Variants in GPR137C observed in about 807,000 individuals in gnomAD.
GPR137C encodes integral membrane protein GPR137C.
In GPR137C, 27 loss-of-function variants were observed where a neutral mutation model predicts 43.4. The ratio of observed to expected loss-of-function variants is 0.62; its 90% CI spans 0.46 to 0.86. The LOEUF (loss-of-function observed/expected upper bound fraction) is 0.86. Among genes scored for constraint, GPR137C ranks in the 40% least tolerant of loss-of-function variants. GPR137C has a pLI of 0.00. For synonymous variants in GPR137C, 285 were observed against 226.9 expected, an observed-to-expected ratio of 1.26 and a Z score of -2.30; for missense variants, 522 against 534.6, an observed-to-expected ratio of 0.98 and a Z score of 0.23.
intron 1 of GPR137C, among the ~76,000 whole-genome samples, chr14:52,563,124 A>G (rs1280926002): frequency 1.3e-5 from 2 of 152,146 alleles, no homozygotes; most frequent in South Asian, 2.1e-4. Context: ...CTCAGCAGCA[A>G]TTGACCCCCC....
At chr14:52,627,523 G>A (rs1338816348) in intron 3 of GPR137C, among the ~76,000 whole-genome samples, 5 of 152,030 alleles carry the variant, frequency 3.3e-5, no homozygotes, top group African/African-American at 4.8e-5. Flanking sequence ...TCCAAAATTT[G>A]CACGACAATG....
chr14:52,556,525 A>T (rs903039843), intron 1 of GPR137C, among the ~76,000 whole-genome samples: 1 of 151,886 alleles, frequency 6.6e-6, no homozygotes, highest in South Asian at 2.1e-4. Context: ...AGAGGGGGAA[A>T]AAAAAAAGAA....
At chr14:52,589,710 A>C (rs142119505) in intron 1 of GPR137C, among the ~76,000 whole-genome samples, 1 of 152,128 alleles carries the variant, frequency 6.6e-6, no homozygotes, top group Non-Finnish European at 1.5e-5. Flanking sequence ...TCAATAACTC[A>C]CCCCACATAC....
At position 52,552,994 on chromosome 14, in the gene GPR137C, C is replaced by T. The variant is rs1193055550; in HGVS notation, c.-154C>T. On this transcript the variant is annotated 5_prime_UTR_variant, in exon 1 of 7. Transcript: ENST00000321662. ...GCGGGGTCCGGGGGAGCCGCGGCTG[C>T]TTTGCGCTGGACTCCGGGTCCCGTC... Among the ~76,000 whole-genome samples the T allele has an allele frequency of 7.3e-6, 1 of 136,556 alleles. No individual in the cohort carries two copies. The highest frequency in any genetic ancestry group is 2.7e-5 in the African/African-American group (1 of 36,700). The allele number at this position is 136,556 out of a possible 152,430, so 89.6% of individuals were successfully genotyped here. A position where few individuals can be genotyped will look rare whatever the true frequency, so the allele number is the denominator to read the frequency against.
intron 4 of GPR137C, 82 bp from the exon 5 acceptor site, chr14:52,633,448 T>C (rs572011413): frequency 1.6e-6 from 2 of 1,212,664 alleles, no homozygotes; most frequent in African/African-American, 3.0e-5. Context: ...TTATCTTACC[T>C]GACTTGAAAC....
chr14:52,580,698 A>G (rs953513763), intron 1 of GPR137C, among the ~76,000 whole-genome samples: 2 of 151,280 alleles, frequency 1.3e-5, no homozygotes, highest in African/African-American at 4.8e-5. Flanking sequence ...GGGTATTAAG[A>G]CCCTAAGAGA....
chr14:52,572,728 T>C (rs1383405908), intron 1 of GPR137C, among the ~76,000 whole-genome samples: 1 of 152,176 alleles, frequency 6.6e-6, no homozygotes, highest in Non-Finnish European at 1.5e-5. Flanking sequence ...TTCAACATAG[T>C]ATTGGAAGTT....
At chr14:52,624,189 G>A (rs867483126) in intron 3 of GPR137C, among the ~76,000 whole-genome samples, 14 of 147,774 alleles carry the variant, frequency 9.5e-5, no homozygotes, top group Middle Eastern at 3.5e-3. Flanking sequence ...ATGTAGGTGT[G>A]AGCACAATTC....
At position 52,636,700 on chromosome 14, in the gene GPR137C, CA is replaced by C. The variant is rs1303394740; in HGVS notation, c.*1588del. 1 of 152,054 alleles carries C rather than the reference CA, an allele frequency of 6.6e-6. No individual in the cohort carries two copies. Among genetic ancestry groups the C allele is most frequent in the Admixed American group, 6.5e-5 (1 of 15,268 alleles). 9.4% of individuals were successfully genotyped at this position (152,054 alleles called of 1,614,324 possible). A position where few individuals can be genotyped will look rare whatever the true frequency, so the allele number is the denominator to read the frequency against. On this transcript the variant is annotated 3_prime_UTR_variant, in exon 7 of 7. Transcript: ENST00000321662. The stretch of plus-strand genomic sequence containing the variant: ...ATCTTTTGGGAGGCCAGTACACAGA[CA>C]AATAAATTTCTTCTTTTTATGATAC...
intron 3 of GPR137C, among the ~76,000 whole-genome samples, chr14:52,621,710 C>G (rs1408427929): frequency 6.6e-6 from 1 of 151,634 alleles, no homozygotes; most frequent in East Asian, 1.9e-4. Flanking sequence ...TAACTACTAT[C>G]TAGACTGTGA....
chr14:52,564,979 C>A (rs139038896), intron 1 of GPR137C, among the ~76,000 whole-genome samples: 1 of 152,220 alleles, frequency 6.6e-6, no homozygotes, highest in African/African-American at 2.4e-5. Flanking sequence ...AAATCAGATG[C>A]CTAGAGGGAC....
intron 3 of GPR137C, among the ~76,000 whole-genome samples, chr14:52,615,836 G>C (rs2039092701): frequency 6.6e-6 from 1 of 152,034 alleles, no homozygotes; most frequent in Non-Finnish European, 1.5e-5. Flanking sequence ...TTTTTAATTT[G>C]TATTTATTAA....
At position 52,556,503 on chromosome 14, in the gene GPR137C, T is replaced by C. The variant is rs913948765; in HGVS notation, c.444+2912T>C. Among the ~76,000 whole-genome samples the C allele has an allele frequency of 3.6e-4, 53 of 148,464 alleles. 1 individual carries two copies. Among genetic ancestry groups the C allele is most frequent in the Non-Finnish European group, 6.4e-4 (43 of 67,052 alleles). Reference sequence around the variant, plus strand: ...TCTCATACTTAACCTCCTGGAAGCCTATAGTTGAGAGAGAGGGGGAAAAAA... The same window carrying C: ...TCTCATACTTAACCTCCTGGAAGCCCATAGTTGAGAGAGAGGGGGAAAAAA... On this transcript the variant is annotated intron_variant, in intron 1 of 6. Transcript: ENST00000321662.
intron 1 of GPR137C, among the ~76,000 whole-genome samples, chr14:52,577,172 G>GT (rs1555347147): frequency 1.1e-5 from 1 of 87,440 alleles, no homozygotes; most frequent in Non-Finnish European, 2.0e-5. Flanking sequence ...GGGCGACAGA[G>GT]TAAGACTCCT....
chr14:52,579,736 A>C (rs530719442), intron 1 of GPR137C, among the ~76,000 whole-genome samples: 39 of 152,352 alleles, frequency 2.6e-4, no homozygotes, highest in African/African-American at 9.4e-4. Flanking sequence ...GGAGTTACAC[A>C]GGATGTGCTT....
chr14:52,568,549 AC>A (rs1330253206), intron 1 of GPR137C, among the ~76,000 whole-genome samples: 9 of 152,222 alleles, frequency 5.9e-5, no homozygotes, highest in Admixed American at 1.3e-4. Flanking sequence ...GCTAAGATCC[AC>A]TAACTTGAAA....
intron 3 of GPR137C, among the ~76,000 whole-genome samples, chr14:52,622,681 A>G (rs1285117107): frequency 6.6e-6 from 1 of 152,062 alleles, no homozygotes; most frequent in Non-Finnish European, 1.5e-5. Context: ...TTCTATGAAA[A>G]AAAGTGGTTA....
At chr14:52,557,190 C>A (rs567689307) in intron 1 of GPR137C, among the ~76,000 whole-genome samples, 1 of 152,106 alleles carries the variant, frequency 6.6e-6, no homozygotes, top group African/African-American at 2.4e-5. Flanking sequence ...ATATTTTTAT[C>A]TCCAGCAACT....
At chr14:52,554,395 C>T (rs372071630) in intron 1 of GPR137C, among the ~76,000 whole-genome samples, 2 of 152,144 alleles carry the variant, frequency 1.3e-5, no homozygotes, top group African/African-American at 4.8e-5. Flanking sequence ...TAATCACACC[C>T]CCTTTCTCTT....
Sources: gnomAD v4.1 joint callset for allele counts (sites outside exome capture counted in the v4.1 genomes callset) on GRCh38, gnomAD v4.1.1 for gene constraint, MANE v1.5 for transcripts, NCBI Gene and HGNC (gene_info 2026-07-23, HGNC 2026-07-21) for gene names.